Variants in SKA2 observed in about 807,000 individuals in gnomAD.
The protein encoded by SKA2 is spindle and kinetochore associated complex subunit 2, also known as spindle and kinetochore-associated protein 2.
In SKA2, 13 loss-of-function variants were observed where a neutral mutation model predicts 16.9. The ratio of observed to expected loss-of-function variants is 0.77; its 90% CI spans 0.50 to 1.22. The LOEUF (loss-of-function observed/expected upper bound fraction) is 1.22. Ranked by LOEUF, SKA2 falls within the 50% of genes most tolerant of loss-of-function variation. The pLI is 0.00. For missense variants in SKA2, 107 were observed against 139.7 expected, an observed-to-expected ratio of 0.77 and a Z score of 1.18; for synonymous variants, 47 against 48.5, an observed-to-expected ratio of 0.97 and a Z score of 0.13.
At chr17:59,138,457 CGT>C (rs1226762438) in intron 1 of SKA2, among the ~76,000 whole-genome samples, 1 of 151,794 alleles carries the variant, frequency 6.6e-6, no homozygotes, top group Admixed American at 6.6e-5. Flanking sequence ...TTTGAGACAG[CGT>C]CTCACTCTGT....
intron 1 of SKA2, among the ~76,000 whole-genome samples, chr17:59,146,040 T>C (rs1443693483): frequency 2.6e-5 from 4 of 151,932 alleles, no homozygotes; most frequent in Non-Finnish European, 5.9e-5. Flanking sequence ...GGAAGCACTT[T>C]TATCTACAAT....
intron 1 of SKA2, among the ~76,000 whole-genome samples, chr17:59,136,146 C>T (rs1218468171): frequency 2.0e-5 from 3 of 152,014 alleles, no homozygotes; most frequent in African/African-American, 7.2e-5. Flanking sequence ...TCTAATAACA[C>T]ACAGGGGCAG....
At chr17:59,135,472 C>T (rs1211900509) in intron 1 of SKA2, among the ~76,000 whole-genome samples, 1 of 151,814 alleles carries the variant, frequency 6.6e-6, no homozygotes, top group Non-Finnish European at 1.5e-5. Flanking sequence ...CCCGCCACCA[C>T]ACCCAGCTAA....
At chr17:59,121,124 C>G (rs1212971415) in intron 2 of SKA2, among the ~76,000 whole-genome samples, 18 of 149,994 alleles carry the variant, frequency 1.2e-4, no homozygotes, top group African/African-American at 1.7e-4. Context: ...TGCACTCCAG[C>G]CTGGGCGACT....
rs2046267642 is a variant in SKA2, at chr17:59,112,159, G to A, written c.*118C>T. ...AAGATATCATTATCCAGTCATTGAAGCCAAACCCCCTTCACCAGCCCCCAA... is the reference window on the plus strand; with the variant it reads ...AAGATATCATTATCCAGTCATTGAAACCAAACCCCCTTCACCAGCCCCCAA... On this transcript the variant is annotated 3_prime_UTR_variant, in exon 4 of 4. Coordinates refer to ENST00000330137, the MANE Select transcript of SKA2 (RefSeq NM_182620.4). The A allele has an allele frequency of 2.7e-6, 2 of 734,176 alleles. No homozygotes were observed. The highest frequency in any genetic ancestry group is 5.2e-5 in the East Asian group (2 of 38,638). 45.5% of individuals were successfully genotyped at this position (734,176 alleles called of 1,614,324 possible). A position where few individuals can be genotyped will look rare whatever the true frequency, so the allele number is the denominator to read the frequency against.
intron 1 of SKA2, among the ~76,000 whole-genome samples, chr17:59,140,494 G>T (rs542760961): frequency 8.2e-4 from 125 of 152,258 alleles, no homozygotes; most frequent in Non-Finnish European, 1.3e-3. Context: ...CTCCCAAAGT[G>T]CTGGGATTAC....
At chr17:59,127,353 A>G (rs2147803093) in intron 2 of SKA2, among the ~76,000 whole-genome samples, 3 of 152,298 alleles carry the variant, frequency 2.0e-5, no homozygotes, top group Admixed American at 2.0e-4. Flanking sequence ...CCATATTAAA[A>G]TGGTAAATGT....
intron 1 of SKA2, among the ~76,000 whole-genome samples, chr17:59,135,768 T>C (rs1211444770): frequency 6.7e-6 from 1 of 148,574 alleles, no homozygotes; most frequent in African/African-American, 2.4e-5. Context: ...TTTTAAAATA[T>C]ATAAAATAAT....
chr17:59,154,662 T>A (rs1264199415), intron 1 of SKA2, among the ~76,000 whole-genome samples: 1 of 152,196 alleles, frequency 6.6e-6, no homozygotes, highest in East Asian at 1.9e-4. Context: ...GGCCCGCCTT[T>A]TAGAACGTGA....
intron 2 of SKA2, among the ~76,000 whole-genome samples, chr17:59,121,653 C>CAA (rs147114598): frequency 2.9e-5 from 3 of 101,742 alleles, no homozygotes; most frequent in African/African-American, 3.7e-5. Context: ...AACTCCCTCT[C>CAA]AAAAAAAAAA....
intron 2 of SKA2, 84 bp from the exon 3 acceptor site, chr17:59,119,579 A>T: frequency 1.7e-6 from 2 of 1,209,170 alleles, no homozygotes; most frequent in Non-Finnish European, 2.4e-6. Flanking sequence ...CATACAACAC[A>T]TTCTACCATC....
At chr17:59,143,932 C>T (rs1472507633) in intron 1 of SKA2, among the ~76,000 whole-genome samples, 3 of 151,974 alleles carry the variant, frequency 2.0e-5, no homozygotes, top group South Asian at 2.1e-4. Context: ...CCGAAGCGGG[C>T]GGATCATGAT....
intron 3 of SKA2, among the ~76,000 whole-genome samples, chr17:59,116,404 T>C (rs1177962531): frequency 1.3e-5 from 2 of 152,032 alleles, no homozygotes; most frequent in African/African-American, 4.8e-5. Flanking sequence ...ATTAAATAAA[T>C]AAATAAACTT....
chr17:59,116,391 AAAATT>A (rs1360355009), intron 3 of SKA2, among the ~76,000 whole-genome samples: 3 of 143,794 alleles, frequency 2.1e-5, no homozygotes, highest in African/African-American at 8.7e-5. Context: ...AACAAACAAA[AAAATT>A]AAATAAATAA....
rs1568305633 is a variant in SKA2 at position 59,129,915 on chromosome 17, G to GGAAGGAA, written c.120+1365_120+1366insTTCCTTC. ...AGGAAGGAAAAGAGGGAGGGAGGGA[G>GGAAGGAA]GGAGGGAAGGAAGGAAGGAAGGAGA... On this transcript the variant is annotated intron_variant, in intron 2 of 3. Transcript: ENST00000330137. 2.9e-5 allele frequency among the ~76,000 whole-genome samples: 4 copies of GGAAGGAA among 135,816 alleles called. No homozygotes were observed. The Admixed American group carries it at 3.0e-4, about 10-fold the overall frequency. 89.1% of individuals were successfully genotyped at this position (135,816 alleles called of 152,430 possible). A position where few individuals can be genotyped will look rare whatever the true frequency, so the allele number is the denominator to read the frequency against.
At chr17:59,115,616 CAG>C (rs565463748) in intron 3 of SKA2, among the ~76,000 whole-genome samples, 441 of 151,890 alleles carry the variant, frequency 2.9e-3, no homozygotes, top group Non-Finnish European at 4.7e-3. Flanking sequence ...GTTTTAGAGA[CAG>C]AGTCTCGTTC....
At chr17:59,143,699 C>T (rs2046509850) in intron 1 of SKA2, among the ~76,000 whole-genome samples, 1 of 151,924 alleles carries the variant, frequency 6.6e-6, no homozygotes, top group Admixed American at 6.6e-5. Context: ...TCTCGAACTC[C>T]TGACCTCAGG....
In SKA2 at chr17:59,112,136, G is replaced by A; in HGVS notation, c.*141C>T. 1 of 625,176 alleles carries A rather than the reference G, an allele frequency of 1.6e-6. No homozygotes were observed. The highest frequency in any genetic ancestry group is 3.2e-5 in the Admixed American group (1 of 31,346). The allele number at this position is 625,176 out of a possible 1,614,324, so 38.7% of individuals were successfully genotyped here. A position where few individuals can be genotyped will look rare whatever the true frequency, so the allele number is the denominator to read the frequency against. Reference sequence around the variant, plus strand: ...TCTTCTTATAATCTCTCTCATGAAAGATATCATTATCCAGTCATTGAAGCC... The same window carrying A: ...TCTTCTTATAATCTCTCTCATGAAAAATATCATTATCCAGTCATTGAAGCC... On this transcript the variant is annotated 3_prime_UTR_variant, in exon 4 of 4. Coordinates refer to ENST00000330137, the MANE Select transcript of SKA2 (RefSeq NM_182620.4).
At chr17:59,147,375 A>ACGACACACACAC (rs1555713424) in intron 1 of SKA2, among the ~76,000 whole-genome samples, 1 of 82,046 alleles carries the variant, frequency 1.2e-5, no homozygotes, top group African/African-American at 7.9e-5. Context: ...TTTTATATAT[A>ACGACACACACAC]AGACACACAC....
Sources: gnomAD v4.1 joint callset for allele counts (sites outside exome capture counted in the v4.1 genomes callset) on GRCh38, gnomAD v4.1.1 for gene constraint, MANE v1.5 for transcripts, NCBI Gene and HGNC (gene_info 2026-07-23, HGNC 2026-07-21) for gene names.